The following FUT9 variants were observed in gnomAD, a reference collection of about 807,000 sequenced individuals.
The protein encoded by FUT9 is 4-galactosyl-N-acetylglucosaminide 3-alpha-L-fucosyltransferase 9.
FUT9 carries 15 observed loss-of-function variants against 29.7 expected under a neutral mutation model. The observed-to-expected ratio is 0.51, with a 90% confidence interval of 0.34 to 0.78. The LOEUF (loss-of-function observed/expected upper bound fraction) is 0.78. FUT9 is among the 30% of genes least tolerant of loss of function. FUT9 has a pLI of 0.01. For synonymous variants in FUT9, 169 were observed against 153.7 expected (o/e 1.10, Z -0.74); for missense variants, 319 against 425.4 (o/e 0.75, Z 2.20).
At chr6:96,161,786 T>C (rs1036876511) in intron 2 of FUT9, among the ~76,000 whole-genome samples, 5 of 152,216 alleles carry the variant, frequency 3.3e-5, no homozygotes, top group African/African-American at 1.2e-4. Flanking sequence ...GAATGCCAGA[T>C]ATCCAAAAAA....
chr6:96,140,666 A>T (rs1772445725), intron 2 of FUT9, among the ~76,000 whole-genome samples: 2 of 152,190 alleles, frequency 1.3e-5, no homozygotes, highest in African/African-American at 4.8e-5. Context: ...AGGCAAAAGA[A>T]CGTATGCAAG....
At chr6:96,053,572 G>A (rs893460726) in intron 1 of FUT9, among the ~76,000 whole-genome samples, 1 of 152,056 alleles carries the variant, frequency 6.6e-6, no homozygotes, top group Non-Finnish European at 1.5e-5. Context: ...AGCCGGGCAT[G>A]GTGGCAAGCA....
At chr6:96,202,896 A>G (rs945992877) in intron 2 of FUT9, among the ~76,000 whole-genome samples, 1 of 152,186 alleles carries the variant, frequency 6.6e-6, no homozygotes, top group Non-Finnish European at 1.5e-5. Flanking sequence ...AGCATTGAAA[A>G]AAACGTTACT....
At chr6:96,037,060 T>C (rs1373368496) in intron 1 of FUT9, 1 of 152,024 alleles carries the variant, frequency 6.6e-6, no homozygotes, top group East Asian at 1.9e-4. Flanking sequence ...CCTGCGAATC[T>C]CTGGGACATT....
At chr6:96,039,550 A>AT (rs983566441) in intron 1 of FUT9, among the ~76,000 whole-genome samples, 4 of 151,886 alleles carry the variant, frequency 2.6e-5, no homozygotes, top group East Asian at 1.9e-4. Flanking sequence ...TGTGCATGTG[A>AT]TTTTTTTGTG....
At chr6:96,018,942 C>A (rs959752318) in intron 1 of FUT9, among the ~76,000 whole-genome samples, 1 of 151,484 alleles carries the variant, frequency 6.6e-6, no homozygotes, top group African/African-American at 2.4e-5. Flanking sequence ...ATTCTTTAAT[C>A]AAATAAGGTA....
chr6:96,168,006 G>A (rs185586986), intron 2 of FUT9, among the ~76,000 whole-genome samples: 8 of 152,288 alleles, frequency 5.3e-5, no homozygotes, highest in East Asian at 3.9e-4. Flanking sequence ...GGATACACAC[G>A]CAAGAGAAGG....
chr6:96,081,696 TAGA>T (rs1186375876), intron 1 of FUT9, among the ~76,000 whole-genome samples: 3 of 151,890 alleles, frequency 2.0e-5, no homozygotes, highest in South Asian at 4.1e-4. Flanking sequence ...ATATTTAGAG[TAGA>T]AGAACAAAGT....
At position 96,209,393 on chromosome 6, in the gene FUT9, C is replaced by T. The variant is rs1773891670; in HGVS notation, c.*5158C>T. On this transcript the variant is annotated 3_prime_UTR_variant, in exon 3 of 3. Transcript: ENST00000302103. ...AAGTGCTCAATTAACTGACATTCCT[C>T]CTGTATTTCCTCCCTCCCCTTAGTT... 4.8e-5 allele frequency: 8 copies of T among 166,870 alleles called. No individual in the cohort carries two copies. The allele number at this position is 166,870 out of a possible 1,614,324, so 10.3% of individuals were successfully genotyped here.
intron 2 of FUT9, among the ~76,000 whole-genome samples, chr6:96,180,355 C>A (rs1309854226): frequency 6.6e-6 from 1 of 151,988 alleles, no homozygotes; most frequent in African/African-American, 2.4e-5. Flanking sequence ...CACAGAGAGC[C>A]AGATGTAGAT....
intron 1 of FUT9, among the ~76,000 whole-genome samples, chr6:96,079,917 T>C (rs1000286867): frequency 3.3e-5 from 5 of 152,012 alleles, no homozygotes; most frequent in African/African-American, 1.2e-4. Flanking sequence ...TAAAAATGGA[T>C]ATAGCTTTAA....
At chr6:96,188,361 G>T (rs759631706) in intron 2 of FUT9, among the ~76,000 whole-genome samples, 3 of 151,956 alleles carry the variant, frequency 2.0e-5, no homozygotes, top group Non-Finnish European at 2.9e-5. Flanking sequence ...CGAACTCCTG[G>T]ATTCAAGCAA....
rs574350536 is a variant in FUT9 at position 96,088,607 on chromosome 6, T to C, written c.-97-25432T>C. The stretch of plus-strand genomic sequence containing the variant: ...GCTCCATATTGGATAGTTTCTATTG[T>C]ATTATCATCAGTTTCACTAGTCTGT... On this transcript the variant is annotated intron_variant, in intron 1 of 2. Transcript: ENST00000302103. Among the ~76,000 whole-genome samples the C allele has an allele frequency of 6.1e-4, 92 of 152,038 alleles. 1 individual carries two copies. The highest frequency in any genetic ancestry group is 3.7e-3 in the South Asian group (18 of 4,816).
intron 1 of FUT9, among the ~76,000 whole-genome samples, chr6:96,024,115 A>G (rs1412904085): frequency 6.6e-6 from 1 of 151,906 alleles, no homozygotes; most frequent in Non-Finnish European, 1.5e-5. Context: ...CACTGTGAAC[A>G]CTGCTTAAAC....
chr6:96,110,138 T>C (rs1046024213), intron 1 of FUT9, among the ~76,000 whole-genome samples: 2 of 152,148 alleles, frequency 1.3e-5, no homozygotes, highest in Non-Finnish European at 1.5e-5. Context: ...TTCCATCAGG[T>C]GCTGGCAACT....
intron 1 of FUT9, among the ~76,000 whole-genome samples, chr6:96,081,559 G>A (rs1326115070): frequency 6.6e-6 from 1 of 151,742 alleles, no homozygotes; most frequent in African/African-American, 2.4e-5. Context: ...ATATTTGAAT[G>A]GCTTCCAAGA....
At chr6:96,123,555 C>A (rs1313601305) in intron 2 of FUT9, among the ~76,000 whole-genome samples, 1 of 152,090 alleles carries the variant, frequency 6.6e-6, no homozygotes, top group Non-Finnish European at 1.5e-5. Flanking sequence ...GAGTCTTTTT[C>A]TGATTAACTG....
Position 96,173,736 on chromosome 6 carries a change from CA to C in FUT9, c.-8-29408del, listed in dbSNP as rs1476094510. Among the ~76,000 whole-genome samples the C allele has an allele frequency of 2.0e-5, 3 of 149,218 alleles. No homozygotes were observed. The South Asian group carries it at 6.5e-4, about 32-fold the overall frequency. On this transcript the variant is annotated intron_variant, in intron 2 of 2. Transcript: ENST00000302103. ...TTACAATATGCTAAATATGATAATT[CA>C]AAATGTATTATGGACATTTAAAATA...
chr6:96,032,765 T>C (rs187543760), intron 1 of FUT9, among the ~76,000 whole-genome samples: 1 of 151,582 alleles, frequency 6.6e-6, no homozygotes, highest in Non-Finnish European at 1.5e-5. Context: ...ATTATCTCTA[T>C]CCATGTGGTC....
Sources: allele counts gnomAD v4.1 joint callset (sites outside exome capture counted in the v4.1 genomes callset), GRCh38; gene constraint gnomAD v4.1.1; transcripts MANE v1.5; gene names NCBI Gene and HGNC (gene_info 2026-07-23, HGNC 2026-07-21).